ARSB: variants seen among roughly 807,000 people sequenced by gnomAD.
ARSB encodes arylsulfatase B, also known as N-acetylgalactosamine-4-sulfatase.
A neutral mutation model predicts 50.9 loss-of-function variants in ARSB; 41 were observed. The ratio of observed to expected loss-of-function variants is 0.81; its 90% CI spans 0.63 to 1.04. ARSB has a LOEUF of 1.04. ARSB is among the 50% of genes least tolerant of loss of function. The pLI, the probability that ARSB is intolerant of heterozygous loss-of-function variation, is 0.00. For synonymous variants in ARSB, 269 were observed against 284.8 expected (o/e 0.94, Z 0.56); for missense variants, 672 against 693.3 (o/e 0.97, Z 0.35).
intron 5 of ARSB, among the ~76,000 whole-genome samples, chr5:78,882,114 G>A (rs1032355355): frequency 6.6e-6 from 1 of 152,216 alleles, no homozygotes; most frequent in Non-Finnish European, 1.5e-5. Flanking sequence ...GACCCGCTCT[G>A]GAATGGGAAT....
intron 5 of ARSB, among the ~76,000 whole-genome samples, chr5:78,866,517 G>A (rs1184349420): frequency 6.6e-6 from 1 of 152,186 alleles, no homozygotes; most frequent in East Asian, 1.9e-4. Context: ...TCCAGAAAGA[G>A]AAGGTCACAC....
In ARSB at chr5:78,945,599, C is replaced by A. The variant is rs148411276; in HGVS notation, c.898+9696G>T. 5.3e-3 allele frequency among the ~76,000 whole-genome samples: 811 copies of A among 152,252 alleles called. 5 individuals carry two copies. The highest frequency in any genetic ancestry group is 0.019 in the African/African-American group (780 of 41,552). ...AGTGAAAATCTGATCCTGCTTAAAA[C>A]TTTTAAGTGCCTCACTGTCACCATG... On this transcript the variant is annotated intron_variant, in intron 4 of 7. Transcript: ENST00000264914.
intron 3 of ARSB, among the ~76,000 whole-genome samples, chr5:78,959,188 T>G (rs1212348566): frequency 6.6e-6 from 1 of 152,156 alleles, no homozygotes; most frequent in Admixed American, 6.5e-5. Context: ...CTTTTCCCCC[T>G]TTGCTTGGCA....
chr5:78,801,393 A>G (rs900458860), intron 6 of ARSB, among the ~76,000 whole-genome samples: 1 of 152,216 alleles, frequency 6.6e-6, no homozygotes, highest in Non-Finnish European at 1.5e-5. Context: ...GTAAGTCTAG[A>G]CGATGAATAG....
At chr5:78,983,090 G>C (rs1049191355) in intron 1 of ARSB, among the ~76,000 whole-genome samples, 1 of 152,178 alleles carries the variant, frequency 6.6e-6, no homozygotes, top group Non-Finnish European at 1.5e-5. Context: ...GTCTTGCTCT[G>C]TCGCCCAGGC....
chr5:78,824,578 A>G (rs1744359311), intron 6 of ARSB, among the ~76,000 whole-genome samples: 1 of 152,222 alleles, frequency 6.6e-6, no homozygotes, highest in African/African-American at 2.4e-5. Context: ...GTAATAGACC[A>G]GATGTGTGGA....
intron 5 of ARSB, among the ~76,000 whole-genome samples, chr5:78,866,841 C>T (rs182161648): frequency 5.9e-5 from 9 of 152,326 alleles, no homozygotes; most frequent in Admixed American, 3.3e-4. Context: ...GGGACAGTTC[C>T]GGTCTACGGC....
intron 6 of ARSB, among the ~76,000 whole-genome samples, chr5:78,820,714 C>T (rs1744180053): frequency 6.6e-6 from 1 of 152,118 alleles, no homozygotes; most frequent in Non-Finnish European, 1.5e-5. Flanking sequence ...AACTCTTTGT[C>T]ATAGGGCTGT....
intron 5 of ARSB, among the ~76,000 whole-genome samples, chr5:78,871,046 G>C (rs1747137289): frequency 6.7e-6 from 1 of 149,964 alleles, no homozygotes; most frequent in Non-Finnish European, 1.5e-5. Flanking sequence ...GCCAAATCAT[G>C]AGTGAACTCC....
At position 78,815,838 on chromosome 5, in the gene ARSB, A is replaced by T; in HGVS notation, c.1213+23518T>A. The T allele has an allele frequency of 3.0e-6, 4 of 1,345,118 alleles. 1 individual carries two copies. The highest frequency in any genetic ancestry group is 3.8e-6 in the Non-Finnish European group (4 of 1,046,204). The allele number at this position is 1,345,118 out of a possible 1,614,324, so 83.3% of individuals were successfully genotyped here. ...CACAAATGAATTCTCATCTTCAAAG[A>T]TATTTTGAAATAATATAAGAAATGA... On this transcript the variant is annotated intron_variant, in intron 6 of 7. Transcript: ENST00000264914.
intron 5 of ARSB, chr5:78,883,482 A>G (rs1467076165): frequency 6.6e-6 from 1 of 152,260 alleles, no homozygotes; most frequent in Non-Finnish European, 1.5e-5. Flanking sequence ...TGAAAATAAT[A>G]TGACTCATAA....
intron 5 of ARSB, among the ~76,000 whole-genome samples, chr5:78,865,837 T>A (rs890206323): frequency 1.3e-5 from 2 of 152,186 alleles, no homozygotes; most frequent in African/African-American, 4.8e-5. Context: ...AATCTCTTTG[T>A]TAAAACATAG....
Position 78,885,687 on chromosome 5 carries a change from G to A in ARSB, c.1039C>T (p.Leu347Phe). The A allele has an allele frequency of 1.2e-6, 2 of 1,614,086 alleles. No individual in the cohort carries two copies. Among genetic ancestry groups the A allele is most frequent in the Non-Finnish European group, 8.5e-7 (1 of 1,180,028 alleles). ...GGCAGCCAGTCAGAGATGTGGATGA[G>A]CTCCCGGTTCTTCACGCCCTTCTGC... ...LKQKGVKNRELIHISDWLPTL... is the reference protein window; with the variant it reads ...LKQKGVKNREFIHISDWLPTL... Residue 347 changes from leucine to phenylalanine, a missense_variant, in exon 5 of 8, where the codon CTC becomes TTC. Transcript: ENST00000264914.
intron 6 of ARSB, among the ~76,000 whole-genome samples, chr5:78,830,044 G>T (rs1012116169): frequency 2.0e-5 from 3 of 152,198 alleles, no homozygotes; most frequent in Non-Finnish European, 2.9e-5. Context: ...ACCTGAGAGG[G>T]ACTGTTTGGA....
At chr5:78,783,998 CTT>C (rs201826591) in intron 6 of ARSB, among the ~76,000 whole-genome samples, 1 of 151,182 alleles carries the variant, frequency 6.6e-6, no homozygotes, top group African/African-American at 2.5e-5. Context: ...CCATGTTTGC[CTT>C]TTTTTAAAAA....
intron 6 of ARSB, among the ~76,000 whole-genome samples, chr5:78,837,201 A>G (rs1236053164): frequency 6.6e-6 from 1 of 152,150 alleles, no homozygotes; most frequent in Non-Finnish European, 1.5e-5. Context: ...AAGGTTTTTC[A>G]TTTGTAGGTG....
intron 5 of ARSB, among the ~76,000 whole-genome samples, chr5:78,856,843 C>T (rs532436180): frequency 3.9e-5 from 6 of 152,174 alleles, no homozygotes; most frequent in Non-Finnish European, 8.8e-5. Context: ...AATGAACTTT[C>T]CTCCTGACCA....
chr5:78,846,243 A>G (rs1745436372), intron 5 of ARSB, among the ~76,000 whole-genome samples: 1 of 152,124 alleles, frequency 6.6e-6, no homozygotes, highest in African/African-American at 2.4e-5. Context: ...TGGTATATGA[A>G]TCTGTATTTT....
At chr5:78,963,169 G>T (rs190468729) in intron 3 of ARSB, among the ~76,000 whole-genome samples, 1 of 152,174 alleles carries the variant, frequency 6.6e-6, no homozygotes, top group Admixed American at 6.5e-5. Flanking sequence ...AAAGAGCCTG[G>T]CATCTCTCTC....
Sources: allele counts gnomAD v4.1 joint callset (sites outside exome capture counted in the v4.1 genomes callset), GRCh38; gene constraint gnomAD v4.1.1; transcripts MANE v1.5; gene names NCBI Gene and HGNC (gene_info 2026-07-23, HGNC 2026-07-21).